DCSTAMP: variants seen among roughly 807,000 people sequenced by gnomAD.
DCSTAMP encodes dendrocyte expressed seven transmembrane protein.
A neutral mutation model predicts 33.8 loss-of-function variants in DCSTAMP; 25 were observed. The ratio of observed to expected loss-of-function variants is 0.74; its 90% CI spans 0.54 to 1.03. DCSTAMP has a LOEUF of 1.03. Among genes scored for constraint, DCSTAMP ranks in the 50% least tolerant of loss-of-function variants. The probability of loss-of-function intolerance (pLI) is 0.00; values close to 1 mark genes in which losing one functional copy is unlikely to be tolerated. For synonymous variants in DCSTAMP, 245 were observed against 216.7 expected, an observed-to-expected ratio of 1.13 and a Z score of -1.15; for missense variants, 531 against 556.8, an observed-to-expected ratio of 0.95 and a Z score of 0.47.
Position 104,355,118 on chromosome 8 carries a change from T to C in DCSTAMP, c.1271T>C (p.Leu424Pro). The change falls in exon 3 of 4, where the codon CTG becomes CCG. Residue 424 changes from leucine to proline, a missense_variant. Coordinates refer to ENST00000297581, the MANE Select transcript of DCSTAMP (RefSeq NM_030788.4). ...RKRIQYLHAK[L>P]LKKRSKQPLG... ...CGCATCCAATATCTGCATGCAAAGC[T>C]GCTTAAAAAAAGATCAAAGCAGCCG... 1 of 1,614,058 alleles carries C rather than the reference T, an allele frequency of 6.2e-7. No homozygotes were observed. Among genetic ancestry groups the C allele is most frequent in the African/African-American group, 1.3e-5 (1 of 75,008 alleles).
At chr8:104,355,338 G>A (rs773586587) in intron 3 of DCSTAMP, among the ~76,000 whole-genome samples, 153 bp downstream of exon 3, 4 of 152,150 alleles carry the variant, frequency 2.6e-5, no homozygotes, top group Admixed American at 6.5e-5. Flanking sequence ...ATGAACAAAC[G>A]TACGTGGCTA....
chr8:104,353,759 GT>G (rs1190923625), intron 2 of DCSTAMP, among the ~76,000 whole-genome samples: 2 of 152,264 alleles, frequency 1.3e-5, no homozygotes, highest in Non-Finnish European at 2.9e-5. Flanking sequence ...GCTGGGTGTA[GT>G]TGGGTTCTTT....
At position 104,349,214 on chromosome 8, in the gene DCSTAMP, C is replaced by T. The variant is rs144238227; in HGVS notation, c.662C>T (p.Ser221Leu). The change falls in exon 2 of 4, where the codon TCG becomes TTG. Residue 221 changes from serine (S) to leucine (L), a missense_variant. Transcript: ENST00000297581. ...AAGCTACTTGCCTTTGCAGGGCTTT[C>T]GCTCGTCCTGCTTGGCACTGGCCTC... is the stretch of plus-strand genomic sequence containing the variant. ...GQKLLAFAGL[S>L]LVLLGTGLFM... 1.9e-5 allele frequency: 31 copies of T among 1,614,086 alleles called. No homozygotes were observed. In the South Asian group the frequency reaches 2.6e-4, roughly 14 times the overall value.
At chr8:104,347,567 C>G (rs900527802) in intron 1 of DCSTAMP, among the ~76,000 whole-genome samples, 11 of 152,214 alleles carry the variant, frequency 7.2e-5, no homozygotes, top group African/African-American at 2.7e-4. Flanking sequence ...CAGACCAGTA[C>G]AGAATTCAGT....
chr8:104,347,900 C>A (rs1810354698), intron 1 of DCSTAMP, among the ~76,000 whole-genome samples: 1 of 152,168 alleles, frequency 6.6e-6, no homozygotes, highest in East Asian at 1.9e-4. Context: ...GTGGGCCCAG[C>A]GTATTCACAA....
chr8:104,349,922 C>T (rs1356881346), intron 2 of DCSTAMP, among the ~76,000 whole-genome samples: 1 of 152,158 alleles, frequency 6.6e-6, no homozygotes, highest in African/African-American at 2.4e-5. Flanking sequence ...TGTTGCCGCT[C>T]TTTGCATCTT....
At chr8:104,355,731 G>A (rs571909849) in intron 3 of DCSTAMP, among the ~76,000 whole-genome samples, 42 of 152,240 alleles carry the variant, frequency 2.8e-4, no homozygotes, top group African/African-American at 9.4e-4. Context: ...TGAGGGAATG[G>A]TAAGAAAAAT....
intron 1 of DCSTAMP, chr8:104,340,349 C>A (rs2099382571): frequency 6.6e-6 from 1 of 152,238 alleles, no homozygotes; most frequent in Non-Finnish European, 1.5e-5. Flanking sequence ...AAAACAAAGT[C>A]ATGAGGAGTT....
intron 2 of DCSTAMP, among the ~76,000 whole-genome samples, chr8:104,353,025 A>G (rs1810508081): frequency 6.6e-6 from 1 of 152,188 alleles, no homozygotes; most frequent in African/African-American, 2.4e-5. Context: ...TTTCTCCCTC[A>G]CTTTAATATG....
At chr8:104,356,093 T>A (rs2140480639) in intron 3 of DCSTAMP, 31 bp from the exon 4 acceptor site, 1 of 1,595,898 alleles carries the variant, frequency 6.3e-7, no homozygotes, top group South Asian at 1.1e-5. Context: ...CCAACTCCAA[T>A]GCCCATTTAT....
intron 1 of DCSTAMP, among the ~76,000 whole-genome samples, chr8:104,347,325 C>T (rs867425929): frequency 3.2e-4 from 49 of 152,228 alleles, no homozygotes; most frequent in African/African-American, 1.1e-3. Flanking sequence ...GGGAAGAAGC[C>T]GTGGTTACAG....
Position 104,349,507 on chromosome 8 carries a change from C to T in DCSTAMP, c.955C>T (p.Arg319Trp), listed in dbSNP as rs1250850322. The change falls in exon 2 of 4, where the codon CGG becomes TGG. Residue 319 changes from arginine to tryptophan, a missense_variant. Arg to Trp is a moderately radical substitution (Grantham distance 101, BLOSUM62 -3). Transcript: ENST00000297581. ...LFAAVDYLLYRLIFSVSKQFQ... is the reference protein window; with the variant it reads ...LFAAVDYLLYWLIFSVSKQFQ... Reference sequence around the variant, plus strand: ...TGCAGCTGTAGATTATCTGCTGTATCGGCTCATTTTCTCAGTGAGCAAGCA... The same window carrying T: ...TGCAGCTGTAGATTATCTGCTGTATTGGCTCATTTTCTCAGTGAGCAAGCA... The T allele has an allele frequency of 9.3e-6, 15 of 1,614,014 alleles. No individual in the cohort carries two copies. Among genetic ancestry groups the T allele is most frequent in the African/African-American group, 2.7e-5 (2 of 74,914 alleles).
rs1810588425 is a variant in DCSTAMP at position 104,355,194 on chromosome 8, A to C, written c.1338+9A>C. The stretch of plus-strand genomic sequence containing the variant: ...GTCTCTATCTTACAAAGGTAAGGCC[A>C]AGATGGTGGTGTAACCTCCAATTGA... On this transcript the variant is annotated intron_variant, in intron 3 of 3. Transcript: ENST00000297581. 6.2e-7 allele frequency: 1 copy of C among 1,601,612 alleles called. No individual in the cohort carries two copies. Among genetic ancestry groups the C allele is most frequent in the East Asian group, 2.2e-5 (1 of 44,776 alleles).
In DCSTAMP at chr8:104,355,204, T is replaced by C. The variant is rs765987125; in HGVS notation, c.1338+19T>C. The C allele has an allele frequency of 6.9e-6, 11 of 1,591,910 alleles. No individual in the cohort carries two copies. The highest frequency in any genetic ancestry group is 1.7e-4 in the Middle Eastern group (1 of 5,926). ...TACAAAGGTAAGGCCAAGATGGTGG[T>C]GTAACCTCCAATTGAGGAAGTGTTG... On this transcript the variant is annotated intron_variant, in intron 3 of 3. Transcript: ENST00000297581.
chr8:104,347,171 A>G (rs1347847007), intron 1 of DCSTAMP, among the ~76,000 whole-genome samples: 1 of 152,268 alleles, frequency 6.6e-6, no homozygotes, highest in East Asian at 1.9e-4. Flanking sequence ...ATGGCGTGTT[A>G]GCAGCTCCAG....
At chr8:104,344,330 A>G (rs1810233603) in intron 1 of DCSTAMP, among the ~76,000 whole-genome samples, 1 of 152,058 alleles carries the variant, frequency 6.6e-6, no homozygotes, top group Non-Finnish European at 1.5e-5. Context: ...TAAATAAAAT[A>G]ACACTAAAAG....
At position 104,355,087 on chromosome 8, in the gene DCSTAMP, A is replaced by C. The variant is rs1315891767; in HGVS notation, c.1240A>C (p.Arg414=). The change falls in exon 3 of 4, where the codon AGG becomes CGG. Residue 414 remains arginine (R), a synonymous_variant. Coordinates refer to ENST00000297581, the MANE Select transcript of DCSTAMP (RefSeq NM_030788.4). ...VSASFYPSVE[R]KRIQYLHAKL... is the part of the protein sequence containing the mutation. The stretch of plus-strand genomic sequence containing the variant: ...AGCATCTTTCTACCCCAGCGTGGAG[A>C]GGAAGCGCATCCAATATCTGCATGC... 3 of 1,614,000 alleles carry C rather than the reference A, an allele frequency of 1.9e-6. No homozygotes were observed. Among genetic ancestry groups the C allele is most frequent in the Non-Finnish European group, 2.5e-6 (3 of 1,180,028 alleles).
In DCSTAMP at chr8:104,349,114, G is replaced by A; in HGVS notation, c.562G>A (p.Asp188Asn). The A allele has an allele frequency of 2.5e-6, 4 of 1,614,120 alleles. No individual in the cohort carries two copies. The highest frequency in any genetic ancestry group is 3.4e-6 in the Non-Finnish European group (4 of 1,180,036). The change falls in exon 2 of 4, where the codon GAC becomes AAC. Residue 188 changes from aspartate (D) to asparagine (N), a missense_variant. Physicochemically the swap from Asp to Asn is conservative, Grantham distance 23. Transcript: ENST00000297581. The part of the protein sequence containing the change: ...PSHVLEAQLN[D>N]SKGEVLSVLY... Reference sequence around the variant, plus strand: ...CCATGTCCTGGAGGCACAGCTAAATGACAGCAAAGGGGAAGTCCTGAGCGT... The same window carrying A: ...CCATGTCCTGGAGGCACAGCTAAATAACAGCAAAGGGGAAGTCCTGAGCGT...
At chr8:104,356,095 C>T in intron 3 of DCSTAMP, 29 bp from the exon 4 acceptor site, 1 of 1,596,198 alleles carries the variant, frequency 6.3e-7, no homozygotes. Context: ...AACTCCAATG[C>T]CCATTTATCC....
Sources: gnomAD v4.1 joint callset for allele counts (sites outside exome capture counted in the v4.1 genomes callset) on GRCh38, gnomAD v4.1.1 for gene constraint, MANE v1.5 for transcripts, NCBI Gene and HGNC (gene_info 2026-07-23, HGNC 2026-07-21) for gene names.